Variants in DDX6 observed in about 807,000 individuals in gnomAD.
The protein encoded by DDX6 is DEAD-box helicase 6, also known as probable ATP-dependent RNA helicase DDX6.
In DDX6, 7 loss-of-function variants were observed where a neutral mutation model predicts 60.6. The observed-to-expected ratio is 0.12, with a 90% confidence interval of 0.07 to 0.22. The LOEUF is 0.22. Ranked by LOEUF, DDX6 falls within the 10% of genes least tolerant of loss-of-function variation. The pLI, the probability that DDX6 is intolerant of heterozygous loss-of-function variation, is 1.00. For missense variants in DDX6, 270 were observed against 589.9 expected (o/e 0.46, Z 5.62); for synonymous variants, 207 against 201.0 (o/e 1.03, Z -0.25).
intron 4 of DDX6, among the ~76,000 whole-genome samples, chr11:118,777,068 C>A (rs1861725155): frequency 6.6e-6 from 1 of 152,036 alleles, no homozygotes; most frequent in African/African-American, 2.4e-5. Context: ...GTTGTCCCAT[C>A]TTCCTCTAAT....
At chr11:118,754,268 A>G in intron 13 of DDX6, among the ~76,000 whole-genome samples, 1 of 152,204 alleles carries the variant, frequency 6.6e-6, no homozygotes, top group East Asian at 1.9e-4. Flanking sequence ...TGTTTCTACC[A>G]AAAATTTAAA....
At chr11:118,761,301 C>T (rs782650723) in intron 7 of DDX6, among the ~76,000 whole-genome samples, 9 of 152,052 alleles carry the variant, frequency 5.9e-5, no homozygotes, top group South Asian at 2.1e-4. Flanking sequence ...AATGTAGTAA[C>T]TACTTTACCG....
At chr11:118,773,405 T>TAA (rs58173540) in intron 4 of DDX6, among the ~76,000 whole-genome samples, 2 of 151,178 alleles carry the variant, frequency 1.3e-5, no homozygotes, top group African/African-American at 2.4e-5. Context: ...CCGTCTCTAC[T>TAA]AAAAAAATAC....
chr11:118,755,335 C>T (rs1860929331), intron 12 of DDX6, 67 bp downstream of exon 12: 4 of 930,794 alleles, frequency 4.3e-6, no homozygotes, highest in Non-Finnish European at 6.9e-6. Flanking sequence ...CACAAAAGAA[C>T]AAAATTTAGT....
chr11:118,756,600 G>A (rs1297710639), intron 10 of DDX6, among the ~76,000 whole-genome samples: 1 of 152,040 alleles, frequency 6.6e-6, no homozygotes, highest in Non-Finnish European at 1.5e-5. Context: ...TTTAGATATT[G>A]TATCTTTTTC....
At chr11:118,784,237 A>T in intron 2 of DDX6, among the ~76,000 whole-genome samples, 1 of 152,160 alleles carries the variant, frequency 6.6e-6, no homozygotes, top group Non-Finnish European at 1.5e-5. Context: ...AATATACACT[A>T]ATACCAATTC....
rs1555156958 is a variant in DDX6 at position 118,750,555 on chromosome 11, T to C, written c.*1550A>G. On this transcript the variant is annotated 3_prime_UTR_variant, in exon 14 of 14. Coordinates refer to ENST00000534980, the MANE Select transcript of DDX6 (RefSeq NM_004397.6). The stretch of plus-strand genomic sequence containing the variant: ...CACATTTACACACTACAGGAAATGA[T>C]CCACAGAAAATTAAGCTCCAGAACT... 6.6e-6 allele frequency: 1 copy of C among 152,144 alleles called. No homozygotes were observed. Among genetic ancestry groups the C allele is most frequent in the African/African-American group, 2.4e-5 (1 of 41,438 alleles). The allele number at this position is 152,144 out of a possible 1,614,324, so 9.4% of individuals were successfully genotyped here. A position where few individuals can be genotyped will look rare whatever the true frequency, so the allele number is the denominator to read the frequency against.
At chr11:118,789,064 C>G (rs146050375) in intron 1 of DDX6, 23 of 144,378 alleles carry the variant, frequency 1.6e-4, no homozygotes, top group African/African-American at 5.8e-4. Flanking sequence ...TGATTTAACC[C>G]CGTTACACTT....
chr11:118,759,870 A>G, intron 8 of DDX6, 52 bp downstream of exon 8: 1 of 1,560,102 alleles, frequency 6.4e-7, no homozygotes, highest in Non-Finnish European at 8.7e-7. Context: ...AAATAAAAGC[A>G]TACTCAAAGG....
At chr11:118,771,969 T>C (rs782341589) in intron 4 of DDX6, among the ~76,000 whole-genome samples, 5 of 152,188 alleles carry the variant, frequency 3.3e-5, no homozygotes, top group Admixed American at 6.5e-5. Flanking sequence ...CACAAAAACC[T>C]GCACCTGAAT....
chr11:118,765,257 T>C lies in DDX6; in HGVS notation c.598A>G (p.Thr200Ala), dbSNP rs782639046. Residue 200 changes from threonine (T) to alanine (A), a missense_variant, in exon 6 of 14, where the codon ACA becomes GCA. Physicochemically the swap from Thr to Ala is moderately conservative, Grantham distance 58. Coordinates refer to ENST00000534980, the MANE Select transcript of DDX6 (RefSeq NM_004397.6). ...HMGGAKVMATTGGTNLRDDIM... is the reference protein window; with the variant it reads ...HMGGAKVMATAGGTNLRDDIM... Reference sequence around the variant, plus strand: ...TCATCTCGTAAATTGGTTCCTCCTGTGGTTGCCATCACTTTGGCCCCTCCC... The same window carrying C: ...TCATCTCGTAAATTGGTTCCTCCTGCGGTTGCCATCACTTTGGCCCCTCCC... The C allele has an allele frequency of 6.2e-7, 1 of 1,613,046 alleles. No individual in the cohort carries two copies. The highest frequency in any genetic ancestry group is 8.5e-7 in the Non-Finnish European group (1 of 1,179,878).
chr11:118,759,636 T>C (rs1555159732), intron 8 of DDX6, among the ~76,000 whole-genome samples: 1 of 152,204 alleles, frequency 6.6e-6, no homozygotes, highest in East Asian at 1.9e-4. Flanking sequence ...CTGTTTTGTA[T>C]ATAGAATAAT....
chr11:118,764,381 G>A (rs1415383560), intron 6 of DDX6, among the ~76,000 whole-genome samples: 3 of 151,966 alleles, frequency 2.0e-5, no homozygotes, highest in Non-Finnish European at 4.4e-5. Context: ...ATACCTTAAC[G>A]TATTTAGTTA....
intron 2 of DDX6, among the ~76,000 whole-genome samples, chr11:118,781,419 G>A (rs1555164689): frequency 6.6e-6 from 1 of 152,134 alleles, no homozygotes; most frequent in African/African-American, 2.4e-5. Context: ...AAGCAATATT[G>A]TATACAGTGT....
intron 4 of DDX6, among the ~76,000 whole-genome samples, chr11:118,771,326 CTTGA>C (rs558684309): frequency 6.6e-6 from 1 of 152,176 alleles, no homozygotes; most frequent in African/African-American, 2.4e-5. Context: ...TTTTGACTGA[CTTGA>C]TTAAGGCCAT....
chr11:118,749,250 A>C lies in DDX6; in HGVS notation c.*2855T>G, dbSNP rs1181144329. Reference sequence around the variant, plus strand: ...AGGGTAGTTCTCATCCAAATGAGCCACTGGAAAATATTATCATTACTTAAA... The same window carrying C: ...AGGGTAGTTCTCATCCAAATGAGCCCCTGGAAAATATTATCATTACTTAAA... On this transcript the variant is annotated 3_prime_UTR_variant, in exon 14 of 14. Transcript: ENST00000534980. 1 of 150,894 alleles carries C rather than the reference A, an allele frequency of 6.6e-6. No homozygotes were observed. The highest frequency in any genetic ancestry group is 1.5e-5 in the Non-Finnish European group (1 of 67,694). 9.3% of individuals were successfully genotyped at this position (150,894 alleles called of 1,614,324 possible).
At chr11:118,754,985 T>C (rs564281117) in intron 12 of DDX6, 98 bp from the exon 13 acceptor site, 1 of 1,019,898 alleles carries the variant, frequency 9.8e-7, no homozygotes, top group South Asian at 1.7e-5. Flanking sequence ...GGATTGATAA[T>C]GATGTTCAGT....
In DDX6 at chr11:118,751,953, TCAC is replaced by T. The variant is rs1228428627; in HGVS notation, c.*149_*151del. On this transcript the variant is annotated 3_prime_UTR_variant, in exon 14 of 14. Transcript: ENST00000534980. ...TTCCTTCTTTTCAGCCTTTTTCTCT[TCAC>T]CAGTTAAAAAAAGAAAATGTCTGAG... 4.9e-6 allele frequency: 2 copies of T among 404,480 alleles called. No homozygotes were observed. The highest frequency in any genetic ancestry group is 9.7e-6 in the Non-Finnish European group (2 of 206,462). 25.1% of individuals were successfully genotyped at this position (404,480 alleles called of 1,614,324 possible).
chr11:118,759,621 A>C (rs1489539112), intron 8 of DDX6, among the ~76,000 whole-genome samples: 1 of 152,232 alleles, frequency 6.6e-6, no homozygotes, highest in African/African-American at 2.4e-5. Flanking sequence ...TAGGATACTC[A>C]AGCTCTGTTT....
Sources: allele counts gnomAD v4.1 joint callset (sites outside exome capture counted in the v4.1 genomes callset), GRCh38; gene constraint gnomAD v4.1.1; transcripts MANE v1.5; gene names NCBI Gene and HGNC (gene_info 2026-07-23, HGNC 2026-07-21).